The following SLIT3 variants were observed in gnomAD, a reference collection of about 807,000 sequenced individuals.
SLIT3 encodes slit homolog 3 protein.
SLIT3 carries 68 observed loss-of-function variants against 184.0 expected under a neutral mutation model. The ratio of observed to expected loss-of-function variants is 0.37; its 90% CI spans 0.30 to 0.45. The LOEUF (loss-of-function observed/expected upper bound fraction) is 0.45, where lower values mean the gene tolerates loss of function less well. Ranked by LOEUF, SLIT3 falls within the 20% of genes least tolerant of loss-of-function variation. The pLI is 1.00. For synonymous variants in SLIT3, 831 were observed against 828.6 expected (o/e 1.00, Z -0.05); for missense variants, 1,707 against 2,026.0 (o/e 0.84, Z 3.02).
intron 4 of SLIT3, among the ~76,000 whole-genome samples, chr5:169,122,788 T>C (rs1430633074): frequency 6.6e-6 from 1 of 152,200 alleles, no homozygotes; most frequent in African/African-American, 2.4e-5. Context: ...CAAATATTCT[T>C]GCTTCTCTCC....
chr5:169,013,666 G>A (rs375539026), intron 4 of SLIT3, among the ~76,000 whole-genome samples: 61 of 152,228 alleles, frequency 4.0e-4, no homozygotes, highest in African/African-American at 1.4e-3. Context: ...AATTAAACCC[G>A]GGCTAAATAG....
At chr5:168,868,323 C>T (rs1163706682) in intron 5 of SLIT3, among the ~76,000 whole-genome samples, 1 of 152,178 alleles carries the variant, frequency 6.6e-6, no homozygotes, top group Admixed American at 6.5e-5. Flanking sequence ...TCAGGTCTCA[C>T]TGTGTTGCCC....
intron 4 of SLIT3, among the ~76,000 whole-genome samples, chr5:169,169,540 G>C (rs1762752752): frequency 6.6e-6 from 1 of 152,210 alleles, no homozygotes; most frequent in Admixed American, 6.5e-5. Flanking sequence ...AGGGGCCCTT[G>C]AGATGTCAAA....
intron 4 of SLIT3, among the ~76,000 whole-genome samples, chr5:169,082,886 C>A (rs1759128344): frequency 6.6e-6 from 1 of 152,216 alleles, no homozygotes. Flanking sequence ...CTCAATAACA[C>A]CACTCACACA....
At chr5:169,246,332 G>T (rs1485397773) in intron 2 of SLIT3, among the ~76,000 whole-genome samples, 2 of 152,146 alleles carry the variant, frequency 1.3e-5, no homozygotes, top group East Asian at 3.9e-4. Context: ...AACGATTGAA[G>T]GGAGAGGCTA....
At chr5:169,007,244 A>G (rs572196198) in intron 4 of SLIT3, among the ~76,000 whole-genome samples, 1 of 152,026 alleles carries the variant, frequency 6.6e-6, no homozygotes, top group African/African-American at 2.4e-5. Context: ...ACTCAAATAA[A>G]TTTTTTTCCT....
chr5:168,933,231 ATC>A (rs1459546010), intron 4 of SLIT3, among the ~76,000 whole-genome samples: 4 of 152,202 alleles, frequency 2.6e-5, no homozygotes, highest in Admixed American at 6.5e-5. Context: ...TCTGATCAGC[ATC>A]TCTGCTAATT....
rs749317831 is a variant in SLIT3, at chr5:168,817,313, C to T, written c.780G>A (p.Glu260=). 2.8e-5 allele frequency: 46 copies of T among 1,614,058 alleles called. No individual in the cohort carries two copies. In the Middle Eastern group the frequency reaches 4.9e-4, roughly 17 times the overall value. ...AAGCATCCTCACCTGGGCACACGTACTCCTTCTTCTGCACATCCGCCACGT... is the reference window on the plus strand; with the variant it reads ...AAGCATCCTCACCTGGGCACACGTATTCCTTCTTCTGCACATCCGCCACGT... The part of the protein sequence containing the change: ...GFNVADVQKK[E]YVCPAPHSEP... Residue 260 remains glutamate (E), a synonymous_variant, in exon 8 of 36, where the codon GAG becomes GAA. Coordinates refer to ENST00000519560, the MANE Select transcript of SLIT3 (RefSeq NM_003062.4).
intron 8 of SLIT3, among the ~76,000 whole-genome samples, chr5:168,816,493 CTG>C (rs1163979364): frequency 6.6e-6 from 1 of 151,948 alleles, no homozygotes; most frequent in African/African-American, 2.4e-5. Flanking sequence ...AGCCAGGACT[CTG>C]TTTTAAAGCT....
chr5:169,139,305 T>C (rs1237013173), intron 4 of SLIT3, among the ~76,000 whole-genome samples: 1 of 152,232 alleles, frequency 6.6e-6, no homozygotes. Flanking sequence ...AGAAGCACTA[T>C]TTATTGAATG....
rs183752222 is a variant in SLIT3, at chr5:168,923,181, G to A, written c.414-39845C>T. On this transcript the variant is annotated intron_variant, in intron 4 of 35. Coordinates refer to ENST00000519560, the MANE Select transcript of SLIT3 (RefSeq NM_003062.4). ...GAAATGCCTTGATTGAGAATGTTTTGGGGGAAACAGTTTAACAAACCACAG... is the reference window on the plus strand; with the variant it reads ...GAAATGCCTTGATTGAGAATGTTTTAGGGGAAACAGTTTAACAAACCACAG... Among the ~76,000 whole-genome samples the A allele has an allele frequency of 3.4e-3, 511 of 152,196 alleles. 2 individuals are homozygous for A. The highest frequency in any genetic ancestry group is 0.017 in the Middle Eastern group (5 of 294).
intron 4 of SLIT3, among the ~76,000 whole-genome samples, chr5:168,909,715 G>A (rs1220638190): frequency 1.3e-5 from 2 of 152,158 alleles, no homozygotes; most frequent in African/African-American, 4.8e-5. Context: ...AGAACAAAAC[G>A]ATGCCTCCTG....
At chr5:168,904,795 C>T (rs1004520007) in intron 4 of SLIT3, among the ~76,000 whole-genome samples, 11 of 152,156 alleles carry the variant, frequency 7.2e-5, no homozygotes, top group Non-Finnish European at 1.0e-4. Context: ...AGCACAAGGA[C>T]GCCCCAGGCT....
intron 4 of SLIT3, among the ~76,000 whole-genome samples, chr5:169,092,420 C>T (rs929956962): frequency 6.6e-6 from 1 of 152,104 alleles, no homozygotes; most frequent in East Asian, 1.9e-4. Flanking sequence ...TGTTCTATTC[C>T]ATTCCATTGT....
chr5:169,200,796 CT>C (rs5873163), intron 3 of SLIT3, among the ~76,000 whole-genome samples: 12 of 151,586 alleles, frequency 7.9e-5, no homozygotes, highest in East Asian at 3.9e-4. Flanking sequence ...CCAATTCAGG[CT>C]TTTTTTTTCC....
intron 16 of SLIT3, among the ~76,000 whole-genome samples, chr5:168,755,389 A>ATTTATTTCTTTC (rs1213373035): frequency 1.6e-4 from 21 of 133,774 alleles, no homozygotes; most frequent in Admixed American, 2.4e-4. Flanking sequence ...CAGTGCCGCC[A>ATTTATTTCTTTC]TTTCTTTCTT....
chr5:168,914,513 T>C (rs1250456049), intron 4 of SLIT3, among the ~76,000 whole-genome samples: 1 of 152,204 alleles, frequency 6.6e-6, no homozygotes, highest in Non-Finnish European at 1.5e-5. Context: ...TACCTGGACT[T>C]TTCTGGGAAC....
intron 1 of SLIT3, among the ~76,000 whole-genome samples, chr5:169,281,661 TG>T (rs1766998249): frequency 6.6e-6 from 1 of 152,232 alleles, no homozygotes; most frequent in Admixed American, 6.5e-5. Context: ...TCGTTATTAC[TG>T]TTACTATTAA....
At position 168,698,141 on chromosome 5, in the gene SLIT3, A is replaced by C. The variant is rs146670883; in HGVS notation, c.2943-1710T>G. Among the ~76,000 whole-genome samples, 348 of 152,312 alleles carry C rather than the reference A, an allele frequency of 2.3e-3. 1 individual carries two copies. The highest frequency in any genetic ancestry group is 8.0e-3 in the African/African-American group (331 of 41,582). On this transcript the variant is annotated intron_variant, in intron 27 of 35. Coordinates refer to ENST00000519560, the MANE Select transcript of SLIT3 (RefSeq NM_003062.4). Reference sequence around the variant, plus strand: ...CCTTTGCTGTTTTTGTGAGCAGGCAATGCAGCAAGATTAGAGAAGCATGTG... The same window carrying C: ...CCTTTGCTGTTTTTGTGAGCAGGCACTGCAGCAAGATTAGAGAAGCATGTG...
Sources: allele counts gnomAD v4.1 joint callset (sites outside exome capture counted in the v4.1 genomes callset), GRCh38; gene constraint gnomAD v4.1.1; transcripts MANE v1.5; gene names NCBI Gene and HGNC (gene_info 2026-07-23, HGNC 2026-07-21).